Variants in NR3C2 observed in about 807,000 individuals in gnomAD.
NR3C2 encodes the protein mineralocorticoid receptor.
A neutral mutation model predicts 86.4 loss-of-function variants in NR3C2; 15 were observed. The ratio of observed to expected loss-of-function variants is 0.17; its 90% CI spans 0.12 to 0.27. NR3C2 has a LOEUF of 0.27. Ranked by LOEUF, NR3C2 falls within the 10% of genes least tolerant of loss-of-function variation. The pLI is 1.00. For missense variants in NR3C2, 960 were observed against 1,195.6 expected, an observed-to-expected ratio of 0.80 and a Z score of 2.91; for synonymous variants, 458 against 450.5, an observed-to-expected ratio of 1.02 and a Z score of -0.21.
At chr4:148,200,984 C>T (rs578025682) in intron 3 of NR3C2, 3 of 151,928 alleles carry the variant, frequency 2.0e-5, no homozygotes, top group African/African-American at 7.2e-5. Flanking sequence ...GAAAGAGAAA[C>T]ATTTTGGCTG....
intron 2 of NR3C2, among the ~76,000 whole-genome samples, chr4:148,262,567 T>A (rs1561006898): frequency 6.6e-6 from 1 of 152,194 alleles, no homozygotes; most frequent in African/African-American, 2.4e-5. Context: ...CTACTATGGA[T>A]GGAACTGTGT....
intron 2 of NR3C2, among the ~76,000 whole-genome samples, chr4:148,317,589 G>A (rs896116364): frequency 2.0e-5 from 3 of 152,026 alleles, no homozygotes; most frequent in African/African-American, 4.8e-5. Flanking sequence ...CAGAGAGGGA[G>A]TATGAGAATT....
chr4:148,259,909 C>T, intron 3 of NR3C2, 69 bp downstream of exon 3: 1 of 1,574,800 alleles, frequency 6.4e-7, no homozygotes, highest in Admixed American at 1.7e-5. Flanking sequence ...AATGCTATAG[C>T]ATTAGCTGTA....
intron 8 of NR3C2, among the ~76,000 whole-genome samples, chr4:148,105,605 G>T (rs759813523): frequency 3.6e-4 from 55 of 152,210 alleles, no homozygotes; most frequent in Non-Finnish European, 4.3e-4. Context: ...TATCCCTGAG[G>T]AACATCGATG....
At position 148,435,252 on chromosome 4, in the gene NR3C2, G is replaced by C. The variant is rs121912562; in HGVS notation, c.1609C>G (p.Arg537Gly). 6.2e-7 allele frequency: 1 copy of C among 1,614,162 alleles called. No homozygotes were observed. The highest frequency in any genetic ancestry group is 8.5e-7 in the Non-Finnish European group (1 of 1,180,034). ...IGAQGTISLS[R>G]SARDQSFQHL... Reference sequence around the variant, plus strand: ...TGGAAAGATTGGTCTCTAGCCGATCGTGATAAAGATATTGTACCTTGAGCA... The same window carrying C: ...TGGAAAGATTGGTCTCTAGCCGATCCTGATAAAGATATTGTACCTTGAGCA... The change falls in exon 2 of 9, where the codon CGA becomes GGA. Residue 537 changes from arginine to glycine, a missense_variant. Arg to Gly is a moderately radical substitution (Grantham distance 125). This residue lies in a region of NR3C2 where 680 missense variants were observed against 719.0 expected (regional missense o/e 0.95). Transcript: ENST00000358102.
At chr4:148,290,148 G>A (rs1279360681) in intron 2 of NR3C2, among the ~76,000 whole-genome samples, 1 of 152,110 alleles carries the variant, frequency 6.6e-6, no homozygotes, top group Non-Finnish European at 1.5e-5. Flanking sequence ...CTTGAGGATG[G>A]CTGCTTTCTT....
chr4:148,139,479 G>A (rs989962260), intron 6 of NR3C2, among the ~76,000 whole-genome samples: 2 of 152,172 alleles, frequency 1.3e-5, no homozygotes, highest in Non-Finnish European at 2.9e-5. Context: ...TTCCACTATA[G>A]TGCCCAGGTA....
intron 2 of NR3C2, among the ~76,000 whole-genome samples, chr4:148,278,688 C>T (rs944250751): frequency 6.6e-6 from 1 of 152,158 alleles, no homozygotes; most frequent in African/African-American, 2.4e-5. Context: ...GTTTTTATGG[C>T]TTTGTCAAGA....
upstream of NR3C2, chr4:148,443,885 A>T: frequency 3.4e-6 from 2 of 590,592 alleles, no homozygotes; most frequent in Non-Finnish European, 4.3e-6. Context: ...TGAGACTTGA[A>T]CTCTCAGCCG....
At position 148,420,327 on chromosome 4, in the gene NR3C2, T is replaced by C. The variant is rs117066909; in HGVS notation, c.1757+14777A>G. 2.2e-4 allele frequency among the ~76,000 whole-genome samples: 33 copies of C among 152,296 alleles called. No individual in the cohort carries two copies. The East Asian group carries it at 6.4e-3, about 29-fold the overall frequency. On this transcript the variant is annotated intron_variant, in intron 2 of 8. Coordinates refer to ENST00000358102, the MANE Select transcript of NR3C2 (RefSeq NM_000901.5). ...TGAGGTGTACTTCCTGAATTCCCAT[T>C]TGTTTAAGCCAAGAGATTCTATTTT...
At chr4:148,296,006 T>C (rs1378204504) in intron 2 of NR3C2, among the ~76,000 whole-genome samples, 1 of 138,798 alleles carries the variant, frequency 7.2e-6, no homozygotes, top group Non-Finnish European at 1.5e-5. Flanking sequence ...AAGTCAATGT[T>C]TGCTTAATGC....
At chr4:148,247,094 T>C (rs1463207185) in intron 3 of NR3C2, among the ~76,000 whole-genome samples, 2 of 152,204 alleles carry the variant, frequency 1.3e-5, no homozygotes, top group Non-Finnish European at 2.9e-5. Context: ...TGGTAAGTTA[T>C]GATAAAGACA....
In NR3C2 at chr4:148,334,478, G is replaced by A. The variant is rs375989833; in HGVS notation, c.1758-74361C>T. ...TAAATGCTTGAACTGGGAAGTGGAG[G>A]TTGCAGTGAGCGGAGATCGCGCCAC... On this transcript the variant is annotated intron_variant, in intron 2 of 8. Transcript: ENST00000358102. 8.5e-5 allele frequency among the ~76,000 whole-genome samples: 13 copies of A among 152,276 alleles called. No homozygotes were observed. The South Asian group carries it at 2.5e-3, about 29-fold the overall frequency.
chr4:148,308,760 C>A (rs896901178), intron 2 of NR3C2, among the ~76,000 whole-genome samples: 1 of 152,100 alleles, frequency 6.6e-6, no homozygotes, highest in Non-Finnish European at 1.5e-5. Flanking sequence ...CCAAGATGGG[C>A]GGCTTGCTCG....
chr4:148,214,806 G>A (rs945350614), intron 3 of NR3C2, among the ~76,000 whole-genome samples: 10 of 152,352 alleles, frequency 6.6e-5, no homozygotes, highest in East Asian at 3.9e-4. Context: ...GAGGCTGGAC[G>A]TCGAGAGTTT....
At chr4:148,272,839 G>C (rs1740757886) in intron 2 of NR3C2, among the ~76,000 whole-genome samples, 1 of 151,838 alleles carries the variant, frequency 6.6e-6, no homozygotes, top group African/African-American at 2.4e-5. Context: ...ATTGTTTAGG[G>C]GTCAGAAGTA....
chr4:148,332,021 T>C (rs769266513), intron 2 of NR3C2, among the ~76,000 whole-genome samples: 1 of 152,188 alleles, frequency 6.6e-6, no homozygotes, highest in Non-Finnish European at 1.5e-5. Flanking sequence ...AAACTCTGAA[T>C]TGGAAAGAAT....
intron 2 of NR3C2, among the ~76,000 whole-genome samples, chr4:148,270,887 T>C (rs779936902): frequency 3.3e-5 from 5 of 152,210 alleles, no homozygotes; most frequent in Non-Finnish European, 7.3e-5. Flanking sequence ...AAATAGTTGT[T>C]TCCTACCTGT....
intron 3 of NR3C2, among the ~76,000 whole-genome samples, chr4:148,206,507 C>T (rs1477358836): frequency 6.6e-6 from 1 of 152,210 alleles, no homozygotes; most frequent in African/African-American, 2.4e-5. Context: ...CTAAACCTGC[C>T]AGTTTCCCCT....
Sources: gnomAD v4.1 joint callset for allele counts (sites outside exome capture counted in the v4.1 genomes callset) on GRCh38, gnomAD v4.1.1 for gene constraint, gnomAD v4.1.1 regional missense constraint, MANE v1.5 for transcripts, NCBI Gene and HGNC (gene_info 2026-07-23, HGNC 2026-07-21) for gene names.